COPZ2: variants seen among roughly 807,000 people sequenced by gnomAD.
COPZ2 encodes the protein coatomer subunit zeta-2.
COPZ2 carries 30 observed loss-of-function variants against 33.2 expected under a neutral mutation model. The observed-to-expected ratio is 0.90, with a 90% confidence interval of 0.68 to 1.23. The LOEUF (loss-of-function observed/expected upper bound fraction) is 1.23, where lower values mean the gene tolerates loss of function less well. Ranked by LOEUF, COPZ2 falls within the 50% of genes most tolerant of loss-of-function variation. The pLI, the probability that COPZ2 is intolerant of heterozygous loss-of-function variation, is 0.00. For synonymous variants in COPZ2, 89 were observed against 102.6 expected (o/e 0.87, Z 0.80); for missense variants, 263 against 262.4 (o/e 1.00, Z -0.02).
intron 8 of COPZ2, among the ~76,000 whole-genome samples, chr17:48,026,999 A>G (rs760972244): frequency 2.0e-5 from 3 of 152,226 alleles, no homozygotes; most frequent in Non-Finnish European, 2.9e-5. Flanking sequence ...ACAAATCCAT[A>G]TAAGTGCACA....
Position 48,026,394 on chromosome 17 carries a change from A to C in COPZ2, c.*34T>G. On this transcript the variant is annotated 3_prime_UTR_variant, in exon 9 of 9. Coordinates refer to ENST00000621465, the MANE Select transcript of COPZ2 (RefSeq NM_016429.4). ...GGCTTTTGCCAGGATTGGGGAAATG[A>C]TCTGGGGGGCAGGGAGCCTTGAATC... 2 of 1,568,504 alleles carry C rather than the reference A, an allele frequency of 1.3e-6. No homozygotes were observed.
chr17:48,037,854 G>C (rs113121507), upstream of COPZ2: 7 of 947,090 alleles, frequency 7.4e-6, no homozygotes, highest in African/African-American at 4.5e-5. The surrounding 1 kb of genome is among the most constrained non-coding windows in gnomAD (Gnocchi z 5.6). Flanking sequence ...GCCGCCCCGC[G>C]GCCCCCTCTC....
chr17:48,043,717 G>A, the COPZ2 span, among the ~76,000 whole-genome samples: 2 of 152,176 alleles, frequency 1.3e-5, no homozygotes, highest in African/African-American at 4.8e-5. Flanking sequence ...TTATACACAT[G>A]ACCTGATTTT....
chr17:48,042,122 CTTTTTCTTTTTCTT>C (rs562919055), upstream of COPZ2, among the ~76,000 whole-genome samples: 465 of 152,022 alleles, frequency 3.1e-3, 2 homozygotes, highest in African/African-American at 4.0e-3. Flanking sequence ...ACTGTTGTTG[CTTTTTCTTTTTCTT>C]TTTTTCTTTT....
upstream of COPZ2, among the ~76,000 whole-genome samples, chr17:48,042,872 CAACA>C (rs2037075193): frequency 6.6e-6 from 1 of 152,226 alleles, no homozygotes; most frequent in Non-Finnish European, 1.5e-5. Context: ...CAAACTCCTT[CAACA>C]GAGACCCCAG....
At chr17:48,031,672 C>G (rs2036897059) in intron 6 of COPZ2, 1 of 163,568 alleles carries the variant, frequency 6.1e-6, no homozygotes, top group Admixed American at 5.9e-5. Flanking sequence ...TGTATTTAAT[C>G]CCCACAATCC....
At chr17:48,041,550 A>G (rs933449680), upstream of COPZ2, among the ~76,000 whole-genome samples, 3 of 152,222 alleles carry the variant, frequency 2.0e-5, no homozygotes, top group African/African-American at 7.2e-5. Flanking sequence ...CATCTGAGGA[A>G]GCATCTACTG....
Position 48,036,871 on chromosome 17 carries a change from C to G in COPZ2, c.166G>C (p.Gly56Arg), listed in dbSNP as rs760443490. Residue 56 changes from glycine (G) to arginine (R), a missense_variant, in exon 2 of 9, where the codon GGG (glycine) becomes CGG (arginine). Physicochemically the swap from Gly to Arg is moderately radical, Grantham distance 125 (BLOSUM62 -2). Coordinates refer to ENST00000621465, the MANE Select transcript of COPZ2 (RefSeq NM_016429.4). ...IKAVFILDNDGRRLLAKYYDD... is the reference protein window; with the variant it reads ...IKAVFILDNDRRRLLAKYYDD... ...GTTACCTTGGCCAGCAGCCGGCGCC[C>G]GTCATTATCTAGGATGAAAACAGCC... The G allele has an allele frequency of 6.2e-7, 1 of 1,613,890 alleles. No homozygotes were observed. The highest frequency in any genetic ancestry group is 8.5e-7 in the Non-Finnish European group (1 of 1,179,864).
At chr17:48,038,593 T>C (rs1221724690), upstream of COPZ2, among the ~76,000 whole-genome samples, 1 of 152,230 alleles carries the variant, frequency 6.6e-6, no homozygotes, top group Non-Finnish European at 1.5e-5. Context: ...TTATCTAATA[T>C]AGCCCACACC....
At chr17:48,036,954 G>A (rs755139220) in intron 1 of COPZ2, 29 bp from the exon 2 acceptor site, 1 of 1,596,876 alleles carries the variant, frequency 6.3e-7, no homozygotes, top group South Asian at 1.1e-5. Flanking sequence ...GTTCCGTTTG[G>A]CCCCTGACTC....
chr17:48,042,000 A>G (rs764700103), upstream of COPZ2, among the ~76,000 whole-genome samples: 3 of 152,064 alleles, frequency 2.0e-5, no homozygotes, highest in Non-Finnish European at 4.4e-5. Flanking sequence ...GGAGTCAGTT[A>G]TACACGTTAG....
At chr17:48,044,403 C>CTTTTTTTTTT in the COPZ2 span, among the ~76,000 whole-genome samples, 1 of 101,754 alleles carries the variant, frequency 9.8e-6, no homozygotes, top group Non-Finnish European at 1.9e-5. Context: ...CAATCTTTTG[C>CTTTTTTTTTT]TTTTTTTTTT....
In COPZ2 at chr17:48,032,758, C is replaced by T. The variant is rs192700047; in HGVS notation, c.361-17G>A. The T allele has an allele frequency of 2.6e-5, 41 of 1,581,186 alleles. No individual in the cohort carries two copies. Among genetic ancestry groups the T allele is most frequent in the Middle Eastern group, 3.3e-4 (2 of 6,008 alleles). On this transcript the variant is annotated splice_polypyrimidine_tract_variant and intron_variant, in intron 4 of 8. Transcript: ENST00000621465. Reference sequence around the variant, plus strand: ...GAGCATCAGCTGGGATGGGCAGATACGGGAGGAGGAAAAGGAGAGTTTGAG... The same window carrying T: ...GAGCATCAGCTGGGATGGGCAGATATGGGAGGAGGAAAAGGAGAGTTTGAG...
chr17:48,044,981 G>A, the COPZ2 span, among the ~76,000 whole-genome samples: 1 of 151,890 alleles, frequency 6.6e-6, no homozygotes, highest in African/African-American at 2.4e-5. Context: ...TTTTGAGACA[G>A]GGTCTTACTC....
At chr17:48,033,731 A>G in intron 3 of COPZ2, 132 bp downstream of exon 3, 1 of 693,018 alleles carries the variant, frequency 1.4e-6, no homozygotes, top group Non-Finnish European at 2.6e-6. Context: ...GCAGGGAAGG[A>G]GAGGACAAAA....
At chr17:48,031,764 G>A (rs1220630264) in intron 6 of COPZ2, 2 of 237,104 alleles carry the variant, frequency 8.4e-6, no homozygotes, top group Admixed American at 1.0e-4. Context: ...TCTAGCTTGT[G>A]TTGGAATTGA....
chr17:48,029,063 C>G (rs1432566605), intron 7 of COPZ2, 62 bp downstream of exon 7: 1 of 1,469,878 alleles, frequency 6.8e-7, no homozygotes, highest in Non-Finnish European at 9.3e-7. Flanking sequence ...CCCTAGCAGC[C>G]CTATTCCCAG....
At chr17:48,040,558 G>C (rs959238876), upstream of COPZ2, among the ~76,000 whole-genome samples, 4 of 150,290 alleles carry the variant, frequency 2.7e-5, 1 homozygote, top group South Asian at 4.2e-4. Flanking sequence ...TCAGCCTCCC[G>C]AGTAGTTGGG....
intron 8 of COPZ2, among the ~76,000 whole-genome samples, chr17:48,027,116 C>T (rs1453018909): frequency 2.6e-5 from 4 of 152,218 alleles, no homozygotes; most frequent in South Asian, 4.1e-4. Flanking sequence ...AAGGAGGGAA[C>T]GCTGTGTCTC....
Sources: gnomAD v4.1 joint callset for allele counts (sites outside exome capture counted in the v4.1 genomes callset) on GRCh38, gnomAD v4.1.1 for gene constraint, Gnocchi (gnomAD v3.1) non-coding constraint, MANE v1.5 for transcripts, NCBI Gene and HGNC (gene_info 2026-07-23, HGNC 2026-07-21) for gene names.